Variants in SLC46A3 observed in about 807,000 individuals in gnomAD.
The protein encoded by SLC46A3 is solute carrier family 46 member 3, also known as lysosomal proton-coupled steroid conjugate and bile acid symporter SLC46A3.
In SLC46A3, 26 loss-of-function variants were observed where a neutral mutation model predicts 38.5. The observed-to-expected ratio is 0.68, with a 90% CI of 0.49 to 0.94. SLC46A3 has a LOEUF of 0.94. SLC46A3 is among the 40% of genes least tolerant of loss of function. The pLI is 0.00. For synonymous variants in SLC46A3, 185 were observed against 192.5 expected (o/e 0.96, Z 0.32); for missense variants, 510 against 544.3 (o/e 0.94, Z 0.63).
At chr13:28,702,103 G>A (rs1885040049) in intron 5 of SLC46A3, among the ~76,000 whole-genome samples, 1 of 152,042 alleles carries the variant, frequency 6.6e-6, no homozygotes, top group Non-Finnish European at 1.5e-5. Flanking sequence ...TACTCACCAT[G>A]TATGCAATTC....
At chr13:28,709,723 G>C (rs4476020) in intron 4 of SLC46A3, among the ~76,000 whole-genome samples, 51,043 of 152,136 alleles carry the variant, frequency 0.34, 9,573 homozygotes, top group Non-Finnish European at 0.42. Context: ...TTGCTGGCCC[G>C]AGTTCCTGCT....
Position 28,710,827 on chromosome 13 carries a change from A to G in SLC46A3, c.1077T>C (p.Leu359=). The G allele has an allele frequency of 3.7e-6, 6 of 1,613,946 alleles. No individual in the cohort carries two copies. Among genetic ancestry groups the G allele is most frequent in the Non-Finnish European group, 5.1e-6 (6 of 1,179,930 alleles). The change falls in exon 4 of 6, where the codon CTT becomes CTC. Residue 359 remains leucine, a synonymous_variant. Coordinates refer to ENST00000266943, the MANE Select transcript of SLC46A3 (RefSeq NM_181785.4). ...GAACAGAGAATGGCACAATAGTGAAAAGGAACGGCACCCTGGCTGTGAGAG... is the reference window on the plus strand; with the variant it reads ...GAACAGAGAATGGCACAATAGTGAAGAGGAACGGCACCCTGGCTGTGAGAG... The part of the protein sequence containing the change: ...LMMFLARVPF[L]FTIVPFSVLR...
intron 4 of SLC46A3, 110 bp downstream of exon 4, chr13:28,710,650 C>T (rs1428948128): frequency 1.2e-6 from 1 of 828,018 alleles, no homozygotes; most frequent in Non-Finnish European, 2.0e-6. Flanking sequence ...AAAAGGAGAT[C>T]CGTGCATAAA....
chr13:28,707,293 C>G (rs1028171132), intron 4 of SLC46A3, among the ~76,000 whole-genome samples: 1 of 151,206 alleles, frequency 6.6e-6, no homozygotes, highest in African/African-American at 2.4e-5. Context: ...AGCAAACCAT[C>G]GCAAGAGCAA....
intron 4 of SLC46A3, 114 bp from the exon 5 acceptor site, chr13:28,704,213 C>T (rs1381040743): frequency 1.1e-6 from 1 of 925,754 alleles, no homozygotes; most frequent in Non-Finnish European, 1.6e-6. Flanking sequence ...CATGAGGGCA[C>T]TGCTGGGTGA....
chr13:28,712,982 GA>G lies in SLC46A3; in HGVS notation c.757del (p.Ser253LeufsTer15). On this transcript the variant is annotated frameshift_variant, in exon 3 of 6. Coordinates refer to ENST00000266943, the MANE Select transcript of SLC46A3 (RefSeq NM_181785.4). LOFTEE classifies it high-confidence loss of function. ...ACAGAGCAAAAATCGTCTCTTACCA[GA>G]AGCATTCTTAAAAAGCATGTAAGTT... ...YRTYMLFKNA[S>X]GKRRFLLCLL... The G allele has an allele frequency of 6.2e-7, 1 of 1,613,298 alleles. No homozygotes were observed. The highest frequency in any genetic ancestry group is 8.5e-7 in the Non-Finnish European group (1 of 1,179,846).
Position 28,712,701 on chromosome 13 carries a change from T to C in SLC46A3, c.1039A>G (p.Thr347Ala). 6.2e-7 allele frequency: 1 copy of C among 1,600,128 alleles called. No homozygotes were observed. The highest frequency in any genetic ancestry group is 8.5e-7 in the Non-Finnish European group (1 of 1,176,150). ...TGMAMTAFASTTLMMFLARVP... is the reference protein window; with the variant it reads ...TGMAMTAFASATLMMFLARVP... ...TCACCTAAAAACATCATCAGTGTTG[T>C]ACTGGCAAACGCGGTCATAGCCATT... is the stretch of plus-strand genomic sequence containing the variant. Residue 347 changes from threonine (T) to alanine (A), a missense_variant, in exon 3 of 6, where the codon ACA (threonine) becomes GCA (alanine). By Grantham distance (58) the Thr-to-Ala change is moderately conservative. Coordinates refer to ENST00000266943, the MANE Select transcript of SLC46A3 (RefSeq NM_181785.4).
chr13:28,714,726 G>A (rs926145463), intron 2 of SLC46A3, among the ~76,000 whole-genome samples: 2 of 152,212 alleles, frequency 1.3e-5, no homozygotes, highest in African/African-American at 4.8e-5. Context: ...TCCAGCCTGG[G>A]TGACACAGTG....
Position 28,701,293 on chromosome 13 carries a change from A to G in SLC46A3, c.*204T>C, listed in dbSNP as rs190234526. On this transcript the variant is annotated 3_prime_UTR_variant, in exon 6 of 6. Coordinates refer to ENST00000266943, the MANE Select transcript of SLC46A3 (RefSeq NM_181785.4). ...GTTCTGTGTATTGCAAGTATATTGC[A>G]TGATACGCACAAAGTGCTCAAAGTG... 4.2e-3 allele frequency: 5,884 copies of G among 1,417,296 alleles called. 15 individuals carry two copies. Among genetic ancestry groups the G allele is most frequent in the Admixed American group, 0.01 (323 of 31,926 alleles). The allele number at this position is 1,417,296 out of a possible 1,614,324, so 87.8% of individuals were successfully genotyped here.
intron 2 of SLC46A3, 117 bp from the exon 3 acceptor site, chr13:28,713,667 C>G: frequency 2.1e-6 from 2 of 931,206 alleles, no homozygotes; most frequent in Admixed American, 2.8e-5. Context: ...TGGGGAATCT[C>G]TGGTGGATGG....
chr13:28,705,098 T>C (rs777426153), intron 4 of SLC46A3, among the ~76,000 whole-genome samples: 3 of 152,236 alleles, frequency 2.0e-5, no homozygotes, highest in Non-Finnish European at 4.4e-5. Context: ...TCATCAGATA[T>C]AAAATTTCAT....
intron 2 of SLC46A3, among the ~76,000 whole-genome samples, chr13:28,716,490 A>G (rs1885530096): frequency 6.6e-6 from 1 of 152,150 alleles, no homozygotes; most frequent in Non-Finnish European, 1.5e-5. Flanking sequence ...TAATGCATGA[A>G]TAAACACTTA....
intron 2 of SLC46A3, among the ~76,000 whole-genome samples, chr13:28,714,304 T>C (rs1287650980): frequency 6.6e-6 from 1 of 151,982 alleles, no homozygotes; most frequent in Admixed American, 6.6e-5. Context: ...AGACTTACAC[T>C]GTCTACAGAT....
chr13:28,715,486 G>A (rs1555260565), intron 2 of SLC46A3, among the ~76,000 whole-genome samples: 2 of 152,092 alleles, frequency 1.3e-5, no homozygotes, highest in African/African-American at 2.4e-5. Flanking sequence ...CTCCTCCCTG[G>A]TCCCTCCCAC....
chr13:28,702,934 T>C (rs1434191004), intron 5 of SLC46A3, among the ~76,000 whole-genome samples: 1 of 152,182 alleles, frequency 6.6e-6, no homozygotes, highest in African/African-American at 2.4e-5. Flanking sequence ...GTCACTGTGC[T>C]ATGCTATCAG....
At chr13:28,706,593 G>A (rs752065676) in intron 4 of SLC46A3, among the ~76,000 whole-genome samples, 36 of 151,798 alleles carry the variant, frequency 2.4e-4, no homozygotes, top group Admixed American at 5.3e-4. Flanking sequence ...TTTATTTTTC[G>A]TAGAGATAGA....
intron 4 of SLC46A3, 100 bp from the exon 5 acceptor site, chr13:28,704,199 T>TTACTCATTGA: frequency 9.0e-7 from 1 of 1,110,524 alleles, no homozygotes. Flanking sequence ...TTGAAAACAG[T>TTACTCATTGA]AAACATGAGG....
chr13:28,710,195 AT>A (rs1885303216), intron 4 of SLC46A3, among the ~76,000 whole-genome samples: 1 of 152,078 alleles, frequency 6.6e-6, no homozygotes, highest in Non-Finnish European at 1.5e-5. Flanking sequence ...GCCCACCCCC[AT>A]TCTGCTCTAC....
chr13:28,709,810 GC>G (rs889215597), intron 4 of SLC46A3, among the ~76,000 whole-genome samples: 4 of 152,202 alleles, frequency 2.6e-5, no homozygotes, highest in Non-Finnish European at 4.4e-5. Context: ...CATCTCTCTG[GC>G]TGCCTCGACA....
Sources: gnomAD v4.1 joint callset for allele counts (sites outside exome capture counted in the v4.1 genomes callset) on GRCh38, gnomAD v4.1.1 for gene constraint, MANE v1.5 for transcripts, NCBI Gene and HGNC (gene_info 2026-07-23, HGNC 2026-07-21) for gene names.